MACIR: variants seen among roughly 807,000 people sequenced by gnomAD.
MACIR encodes macrophage immunometabolism regulator.
In MACIR, 4 loss-of-function variants were observed where a neutral mutation model predicts 14.3. The ratio of observed to expected loss-of-function variants is 0.28; its 90% CI spans 0.14 to 0.64. The LOEUF (loss-of-function observed/expected upper bound fraction) is 0.64, where lower values mean the gene tolerates loss of function less well. Ranked by LOEUF, MACIR falls within the 30% of genes least tolerant of loss-of-function variation. The probability of loss-of-function intolerance (pLI) is 0.83; values close to 1 mark genes in which losing one functional copy is unlikely to be tolerated. For missense variants in MACIR, 228 were observed against 257.6 expected, an observed-to-expected ratio of 0.89 and a Z score of 0.79; for synonymous variants, 101 against 102.4, an observed-to-expected ratio of 0.99 and a Z score of 0.08.
chr5:103,267,879 T>G (rs1319651281), intron 2 of MACIR, among the ~76,000 whole-genome samples: 3 of 152,028 alleles, frequency 2.0e-5, no homozygotes, highest in African/African-American at 7.2e-5. Flanking sequence ...AGTTATCCCC[T>G]CTCCCCACCC....
intron 1 of MACIR, among the ~76,000 whole-genome samples, chr5:103,262,864 C>T (rs1554236418): frequency 6.6e-6 from 1 of 152,104 alleles, no homozygotes; most frequent in Admixed American, 6.5e-5. Context: ...ACATGGATTC[C>T]TTTTCCTCTT....
Position 103,261,681 on chromosome 5 carries a change from TCTTTCTTTCTTTCTTTCTTTCTTC to T in MACIR, c.-114+2809_-114+2832del, listed in dbSNP as rs1194128665. Among the ~76,000 whole-genome samples, 116 of 129,602 alleles carry T rather than the reference TCTTTCTTTCTTTCTTTCTTTCTTC, an allele frequency of 9.0e-4. 2 individuals are homozygous for T. Among genetic ancestry groups the T allele is most frequent in the African/African-American group, 3.0e-3 (96 of 31,900 alleles). The allele number at this position is 129,602 out of a possible 152,430, so 85.0% of individuals were successfully genotyped here. On this transcript the variant is annotated intron_variant, in intron 1 of 2. Transcript: ENST00000319933. ...TTCTTTCTTTCTTTCTTTCTTTCTT[TCTTTCTTTCTTTCTTTCTTTCTTC>T]CTTTCTTTCTTTCTTTCTTTCTTTT...
intron 1 of MACIR, among the ~76,000 whole-genome samples, chr5:103,264,422 C>T (rs1804849090): frequency 6.6e-6 from 1 of 152,010 alleles, no homozygotes; most frequent in Non-Finnish European, 1.5e-5. Flanking sequence ...CTCCTCTTTC[C>T]CATTAAAAAT....
In MACIR at chr5:103,276,718, G is replaced by GC. The variant is rs1805350137; in HGVS notation, c.*178_*179insC. 6.9e-6 allele frequency: 3 copies of GC among 436,458 alleles called. No homozygotes were observed. In the Admixed American group the frequency reaches 1.3e-4, roughly 18 times the overall value. The allele number at this position is 436,458 out of a possible 1,614,324, so 27.0% of individuals were successfully genotyped here. On this transcript the variant is annotated 3_prime_UTR_variant, in exon 3 of 3. Transcript: ENST00000319933. ...TACAGGAATGAAATCACAGGTACTTGGGGGGGGGATATCATTCTAGAGCAC... is the reference window on the plus strand; with the variant it reads ...TACAGGAATGAAATCACAGGTACTTGCGGGGGGGGATATCATTCTAGAGCAC...
At chr5:103,262,210 A>T (rs1554236369) in intron 1 of MACIR, among the ~76,000 whole-genome samples, 1 of 152,112 alleles carries the variant, frequency 6.6e-6, no homozygotes, top group Non-Finnish European at 1.5e-5. Context: ...TTATATGTGC[A>T]CCAGTGCCTG....
chr5:103,275,768 A>T, intron 2 of MACIR, 129 bp from the exon 3 acceptor site: 1 of 707,300 alleles, frequency 1.4e-6, no homozygotes, highest in Non-Finnish European at 2.3e-6. Flanking sequence ...ACATAGTTAC[A>T]TGTCAGTGGT....
upstream of MACIR, chr5:103,258,744 G>C (rs1486942357): frequency 6.5e-6 from 1 of 153,140 alleles, no homozygotes; most frequent in Non-Finnish European, 1.5e-5. Flanking sequence ...GCGGTAGCTG[G>C]CGCCGAGCGC....
rs1175407738 is a variant in MACIR, at chr5:103,276,058, A to C, written c.139A>C (p.Thr47Pro). 6.2e-7 allele frequency: 1 copy of C among 1,613,896 alleles called. No homozygotes were observed. Among genetic ancestry groups the C allele is most frequent in the Non-Finnish European group, 8.5e-7 (1 of 1,180,020 alleles). The change falls in exon 3 of 3, where the codon ACC becomes CCC. Residue 47 changes from threonine (T) to proline (P), a missense_variant. Thr to Pro is a conservative substitution (Grantham distance 38). Transcript: ENST00000319933. ...SSTPCSPMRR[T>P]VSGYQILHMD... ...CACACCCTGCTCCCCGATGCGGAGGACCGTGTCAGGCTACCAGATCCTACA... is the reference window on the plus strand; with the variant it reads ...CACACCCTGCTCCCCGATGCGGAGGCCCGTGTCAGGCTACCAGATCCTACA...
chr5:103,265,855 A>G (rs1026225660), intron 1 of MACIR, 53 bp from the exon 2 acceptor site: 2 of 152,124 alleles, frequency 1.3e-5, no homozygotes, highest in Admixed American at 1.3e-4. Flanking sequence ...ATATCATGTT[A>G]TAAGTTGTGT....
chr5:103,271,027 G>A (rs144217221), intron 2 of MACIR, among the ~76,000 whole-genome samples: 269 of 152,230 alleles, frequency 1.8e-3, no homozygotes, highest in African/African-American at 6.1e-3. Context: ...TAAACTTGGC[G>A]GAATGAGTCT....
At chr5:103,265,774 T>G (rs1804903813) in intron 1 of MACIR, 134 bp from the exon 2 acceptor site, 1 of 152,288 alleles carries the variant, frequency 6.6e-6, no homozygotes, top group African/African-American at 2.4e-5. Context: ...AATTAATTAT[T>G]GGGTCCTATA....
In MACIR at chr5:103,275,929, G is replaced by A. The variant is rs189792579; in HGVS notation, c.10G>A (p.Asp4Asn). 72 of 1,609,498 alleles carry A rather than the reference G, an allele frequency of 4.5e-5. No individual in the cohort carries two copies. In the African/African-American group the frequency reaches 8.0e-4, roughly 18 times the overall value. Residue 4 changes from aspartate (D) to asparagine (N), a missense_variant, in exon 3 of 3, where the codon GAT becomes AAT. Physicochemically the swap from Asp to Asn is conservative, Grantham distance 23. Transcript: ENST00000319933. Reference protein sequence around the residue: MEVDINGESRSTLT... With the variant: MEVNINGESRSTLT... ...CAGACTGGTGCTTAAAATGGAAGTC[G>A]ATATTAATGGAGAGTCTAGAAGTAC...
Position 103,260,049 on chromosome 5 carries a change from C to T in MACIR, c.-114+1153C>T, listed in dbSNP as rs566897894. The stretch of plus-strand genomic sequence containing the variant: ...ACTGATTTGGGTGGAACCAAGATTT[C>T]CGTGTGTGTGTGTGTGTGTGTGTGT... On this transcript the variant is annotated intron_variant, in intron 1 of 2. Coordinates refer to ENST00000319933, the MANE Select transcript of MACIR (RefSeq NM_033211.4). 1.1e-4 allele frequency among the ~76,000 whole-genome samples: 8 copies of T among 72,868 alleles called. No homozygotes were observed. The South Asian group carries it at 5.1e-3, about 47-fold the overall frequency. The allele number at this position is 72,868 out of a possible 152,430, so 47.8% of individuals were successfully genotyped here. A position where few individuals can be genotyped will look rare whatever the true frequency, so the allele number is the denominator to read the frequency against.
chr5:103,273,980 G>A (rs1554237393), intron 2 of MACIR, among the ~76,000 whole-genome samples: 36 of 152,054 alleles, frequency 2.4e-4, no homozygotes, highest in Non-Finnish European at 8.8e-5. Context: ...GCCCAGTCTT[G>A]GTGTGAGTGT....
chr5:103,261,702 C>CTTTTTTTTTT (rs1205786084), intron 1 of MACIR, among the ~76,000 whole-genome samples: 1 of 100,688 alleles, frequency 9.9e-6, no homozygotes. Flanking sequence ...TTCTTTCTTT[C>CTTTTTTTTTT]TTCCTTTCTT....
Position 103,275,620 on chromosome 5 carries a change from GTAT to G in MACIR, c.-23-275_-23-273del, listed in dbSNP as rs149341654. Among the ~76,000 whole-genome samples the G allele has an allele frequency of 8.2e-3, 1,245 of 152,314 alleles. 17 individuals carry two copies. Among genetic ancestry groups the G allele is most frequent in the African/African-American group, 0.029 (1,196 of 41,562 alleles). The stretch of plus-strand genomic sequence containing the variant: ...TGAATAGAGTGCGGAATTTAGAGAA[GTAT>G]TGTTGTTGTTGTTTTCTGTTTGCTT... On this transcript the variant is annotated intron_variant, in intron 2 of 2. Transcript: ENST00000319933.
chr5:103,278,474 C>G lies in MACIR; in HGVS notation c.*1934C>G, dbSNP rs1417952015. 1.2e-5 allele frequency: 2 copies of G among 166,990 alleles called. No individual in the cohort carries two copies. Among genetic ancestry groups the G allele is most frequent in the African/African-American group, 4.8e-5 (2 of 41,444 alleles). 10.3% of individuals were successfully genotyped at this position (166,990 alleles called of 1,614,324 possible). ...ATTTTAAGGCCCTATTTTTCTTAAA[C>G]AAAACAGTGACAACAACAATCAAAC... On this transcript the variant is annotated 3_prime_UTR_variant, in exon 3 of 3. Transcript: ENST00000319933.
chr5:103,264,312 A>G (rs1804844943), intron 1 of MACIR, among the ~76,000 whole-genome samples: 2 of 152,122 alleles, frequency 1.3e-5, no homozygotes, highest in African/African-American at 2.4e-5. Flanking sequence ...TAAAAATGGG[A>G]TAATAATATT....
intron 2 of MACIR, among the ~76,000 whole-genome samples, chr5:103,271,412 C>G (rs1216429566): frequency 6.6e-6 from 1 of 151,992 alleles, no homozygotes; most frequent in Non-Finnish European, 1.5e-5. Flanking sequence ...CCTGGTGCAC[C>G]AGGTTCTCCT....
Sources: gnomAD v4.1 joint callset for allele counts (sites outside exome capture counted in the v4.1 genomes callset) on GRCh38, gnomAD v4.1.1 for gene constraint, MANE v1.5 for transcripts, NCBI Gene and HGNC (gene_info 2026-07-23, HGNC 2026-07-21) for gene names.